PHRF1: variants seen among roughly 807,000 people sequenced by gnomAD.
PHRF1 encodes the protein PHD and ring finger domains 1.
In PHRF1, 53 loss-of-function variants were observed where a neutral mutation model predicts 128.9. The ratio of observed to expected loss-of-function variants is 0.41; its 90% CI spans 0.33 to 0.52. The LOEUF is 0.52. PHRF1 is among the 20% of genes least tolerant of loss of function. The pLI is 0.21. For synonymous variants in PHRF1, 1,178 were observed against 980.6 expected (o/e 1.20, Z -3.76); for missense variants, 2,503 against 2,284.5 (o/e 1.10, Z -1.95).
rs937028133 is a variant in PHRF1 at position 597,336 on chromosome 11, C to T, written c.719-59C>T. On this transcript the variant is annotated intron_variant, in intron 7 of 17. Coordinates refer to ENST00000264555, the MANE Select transcript of PHRF1 (RefSeq NM_001286581.2). This position sits in a 1 kb window ranked among gnomAD's most constrained non-coding sequence, Gnocchi z 6.5. ...CTTGGCCGGCAGCCACAGGGGGAGCCGTTGGGGGAGGCGTGTGGCCTGTGA... is the reference window on the plus strand; with the variant it reads ...CTTGGCCGGCAGCCACAGGGGGAGCTGTTGGGGGAGGCGTGTGGCCTGTGA... 1.3e-5 allele frequency: 20 copies of T among 1,559,070 alleles called. No individual in the cohort carries two copies. The highest frequency in any genetic ancestry group is 3.7e-5 in the South Asian group (3 of 81,894).
intron 1 of PHRF1, among the ~76,000 whole-genome samples, chr11:577,228 C>G (rs1853920474): frequency 6.6e-6 from 1 of 152,204 alleles, no homozygotes; most frequent in African/African-American, 2.4e-5. Context: ...GGGATTGGAG[C>G]CCAGAAAGGC....
chr11:592,666 C>T lies in PHRF1; in HGVS notation c.612C>T (p.Cys204=), dbSNP rs59180492. The change falls in exon 6 of 18, where the codon TGC becomes TGT. Residue 204 remains cysteine (C), a synonymous_variant. Coordinates refer to ENST00000264555, the MANE Select transcript of PHRF1 (RefSeq NM_001286581.2). ...REDRLLLCDG[C]DAGYHMECLD... ...ACAGGCTTTTGCTCTGCGACGGCTG[C>T]GATGCGGGGTAAGGGACGGTTGGGA... is the stretch of plus-strand genomic sequence containing the variant. The T allele has an allele frequency of 2.9e-3, 4,760 of 1,613,970 alleles. 137 individuals carry two copies. The African/African-American group carries it at 0.055, about 19-fold the overall frequency.
At chr11:587,236 C>T in intron 3 of PHRF1, 23 bp from the exon 4 acceptor site, 8 of 1,609,928 alleles carry the variant, frequency 5.0e-6, no homozygotes, top group Non-Finnish European at 6.8e-6. Context: ...CTGCTTGCAC[C>T]AGCTGGCATG....
At position 597,144 on chromosome 11, in the gene PHRF1, G is replaced by T. The variant is rs1041607125; in HGVS notation, c.718+124G>T. On this transcript the variant is annotated intron_variant, in intron 7 of 17. Transcript: ENST00000264555. This position sits in a 1 kb window ranked among gnomAD's most constrained non-coding sequence, Gnocchi z 6.5. ...CTAGGGCTGTCTCATGGGGGTTAGGGTTGGCTGCGGTGTCGGGAGGACATC... is the reference window on the plus strand; with the variant it reads ...CTAGGGCTGTCTCATGGGGGTTAGGTTTGGCTGCGGTGTCGGGAGGACATC... 9 of 1,091,598 alleles carry T rather than the reference G, an allele frequency of 8.2e-6. No homozygotes were observed. In the Admixed American group the frequency reaches 1.1e-4, roughly 13 times the overall value. The allele number at this position is 1,091,598 out of a possible 1,614,324, so 67.6% of individuals were successfully genotyped here. A position where few individuals can be genotyped will look rare whatever the true frequency, so the allele number is the denominator to read the frequency against.
At chr11:581,794 G>A (rs991837227) in intron 2 of PHRF1, among the ~76,000 whole-genome samples, 168 bp from the exon 3 acceptor site, 1 of 152,252 alleles carries the variant, frequency 6.6e-6, no homozygotes, top group Non-Finnish European at 1.5e-5. Context: ...AATGTTGAAC[G>A]AAAGGATGTT....
chr11:588,860 G>A (rs1001320928), intron 4 of PHRF1, among the ~76,000 whole-genome samples: 3 of 152,080 alleles, frequency 2.0e-5, no homozygotes, highest in African/African-American at 7.2e-5. Flanking sequence ...AAATGGAACC[G>A]GGTGCAGTGG....
At chr11:577,919 T>G (rs1342901728) in intron 1 of PHRF1, among the ~76,000 whole-genome samples, 2 of 152,290 alleles carry the variant, frequency 1.3e-5, no homozygotes, top group Non-Finnish European at 2.9e-5. Context: ...TTTTCCTCTT[T>G]AATCCCCCAA....
At chr11:591,912 GT>G (rs61391789) in intron 5 of PHRF1, among the ~76,000 whole-genome samples, 6,772 of 132,678 alleles carry the variant, frequency 0.051, 462 homozygotes, top group African/African-American at 0.16. Context: ...ACACCCGGCT[GT>G]TTTTTTTTTT....
chr11:581,777 C>G (rs1237883699), intron 2 of PHRF1, among the ~76,000 whole-genome samples, 171 bp downstream of exon 2: 1 of 152,246 alleles, frequency 6.6e-6, no homozygotes, highest in African/African-American at 2.4e-5. Context: ...TTAATGCAAA[C>G]AACACAAATG....
chr11:583,595 C>T (rs535203998), intron 3 of PHRF1, among the ~76,000 whole-genome samples: 1 of 152,188 alleles, frequency 6.6e-6, no homozygotes, highest in Non-Finnish European at 1.5e-5. Flanking sequence ...GAACAATGTT[C>T]CAAAGGGCAG....
rs1410267621 is a variant in PHRF1, at chr11:581,621, G to A, written c.94+15G>A. 10 of 1,605,572 alleles carry A rather than the reference G, an allele frequency of 6.2e-6. No homozygotes were observed. Among genetic ancestry groups the A allele is most frequent in the Middle Eastern group, 1.7e-4 (1 of 6,034 alleles). ...AGGTGACTTTGGTGAGCTGCCTAGC[G>A]CCGGGTAGGGGCGTCCCCAGGAGGA... On this transcript the variant is annotated intron_variant, in intron 2 of 17. Coordinates refer to ENST00000264555, the MANE Select transcript of PHRF1 (RefSeq NM_001286581.2).
At chr11:606,883 C>A in intron 13 of PHRF1, 183 bp from the exon 14 acceptor site, 2 of 1,079,348 alleles carry the variant, frequency 1.9e-6, no homozygotes, top group Non-Finnish European at 2.6e-6. Context: ...TGTACTTTGT[C>A]ATCCACAGAG....
Position 608,885 on chromosome 11 carries a change from C to T in PHRF1, c.3429C>T (p.His1143=), listed in dbSNP as rs759773651. Residue 1143 remains histidine, a synonymous_variant, in exon 14 of 18, where the codon CAC becomes CAT. Transcript: ENST00000264555. ...ACAAGCATCAGCGGGAACGCAGCCA[C>T]GAGCGGCCAGACAGGAAGGAGAGTG... ...CRHKHQRERS[H]ERPDRKESVA... 15 of 1,612,310 alleles carry T rather than the reference C, an allele frequency of 9.3e-6. No individual in the cohort carries two copies. Among genetic ancestry groups the T allele is most frequent in the South Asian group, 4.4e-5 (4 of 91,068 alleles).
intron 9 of PHRF1, among the ~76,000 whole-genome samples, chr11:600,895 G>T (rs2133022722): frequency 6.6e-6 from 1 of 152,254 alleles, no homozygotes; most frequent in East Asian, 1.9e-4. Context: ...GAACCTGGGA[G>T]GCAGAGATTG....
At chr11:590,201 C>T (rs72479386) in intron 4 of PHRF1, among the ~76,000 whole-genome samples, 9,931 of 152,298 alleles carry the variant, frequency 0.065, 494 homozygotes, top group Admixed American at 0.17. Flanking sequence ...TGGAGCTGGT[C>T]GGTAGGAGGG....
chr11:596,240 C>T (rs1162242409), intron 6 of PHRF1, among the ~76,000 whole-genome samples: 1 of 152,162 alleles, frequency 6.6e-6, no homozygotes, highest in South Asian at 2.1e-4. Context: ...CATAGACTCC[C>T]GAGCCTCGGC....
Position 611,028 on chromosome 11 carries a change from G to A in PHRF1, c.4752G>A (p.Lys1584=), listed in dbSNP as rs1399975219. ...TGGCCATCAAGCCCTTCTACCAGAA[G>A]AGGGAGGTGACCAAGGAGGAGTACA... ...VKLAIKPFYQ[K]REVTKEEYKD... The change falls in exon 17 of 18, where the codon AAG becomes AAA. Residue 1584 remains lysine, a synonymous_variant. Transcript: ENST00000264555. 6.2e-7 allele frequency: 1 copy of A among 1,613,510 alleles called. No homozygotes were observed. The highest frequency in any genetic ancestry group is 8.5e-7 in the Non-Finnish European group (1 of 1,179,808).
At position 608,684 on chromosome 11, in the gene PHRF1, G is replaced by GCACAGGCGGGGCCCCTGGGGC; in HGVS notation, c.3234_3254dup (p.Arg1078_His1084dup). 1 of 1,612,232 alleles carries GCACAGGCGGGGCCCCTGGGGC rather than the reference G, an allele frequency of 6.2e-7. No homozygotes were observed. Among genetic ancestry groups the GCACAGGCGGGGCCCCTGGGGC allele is most frequent in the Non-Finnish European group, 8.5e-7 (1 of 1,179,720 alleles). ...AGAAAGCCAAGGACAAGAGCAGGGA[G>GCACAGGCGGGGCCCCTGGGGC]CACAGGCGGGGCCCCTGGGGCCACA... On this transcript the variant is annotated inframe_insertion, in exon 14 of 18. Coordinates refer to ENST00000264555, the MANE Select transcript of PHRF1 (RefSeq NM_001286581.2).
At chr11:592,484 A>T in intron 5 of PHRF1, 75 bp from the exon 6 acceptor site, 1 of 1,426,656 alleles carries the variant, frequency 7.0e-7, no homozygotes, top group Non-Finnish European at 9.9e-7. Flanking sequence ...ATTCTGGATT[A>T]ACTGCGTTTC....
Sources: allele counts gnomAD v4.1 joint callset (sites outside exome capture counted in the v4.1 genomes callset), GRCh38; gene constraint gnomAD v4.1.1; non-coding constraint Gnocchi (gnomAD v3.1); transcripts MANE v1.5; gene names NCBI Gene and HGNC (gene_info 2026-07-23, HGNC 2026-07-21).